WRN: variants seen among roughly 807,000 people sequenced by gnomAD.
WRN encodes bifunctional 3'-5' exonuclease/ATP-dependent helicase WRN.
In WRN, 149 loss-of-function variants were observed where a neutral mutation model predicts 180.7. The ratio of observed to expected loss-of-function variants is 0.82; its 90% CI spans 0.72 to 0.94. The LOEUF (loss-of-function observed/expected upper bound fraction) is 0.94, where lower values mean the gene tolerates loss of function less well. Among genes scored for constraint, WRN ranks in the 40% least tolerant of loss-of-function variants. The probability of loss-of-function intolerance (pLI) is 0.00; values close to 1 mark genes in which losing one functional copy is unlikely to be tolerated. For missense variants in WRN, 1,661 were observed against 1,700.1 expected (o/e 0.98, Z 0.40); for synonymous variants, 548 against 568.9 (o/e 0.96, Z 0.52).
At chr8:31,073,979 C>T (rs1017868769) in intron 7 of WRN, among the ~76,000 whole-genome samples, 7 of 151,520 alleles carry the variant, frequency 4.6e-5, no homozygotes, top group East Asian at 1.9e-4. Context: ...TGCAGTGGCG[C>T]GATCTCTGCT....
At chr8:31,133,325 A>G (rs1429223061) in intron 24 of WRN, among the ~76,000 whole-genome samples, 1 of 152,216 alleles carries the variant, frequency 6.6e-6, no homozygotes, top group Non-Finnish European at 1.5e-5. Flanking sequence ...AAATTCTCGT[A>G]TTGAATGTAG....
At chr8:31,059,604 C>T (rs1005992306) in intron 3 of WRN, among the ~76,000 whole-genome samples, 1 of 151,892 alleles carries the variant, frequency 6.6e-6, no homozygotes, top group African/African-American at 2.4e-5. Context: ...GTTTATTTTA[C>T]CAATTTAGGG....
chr8:31,147,855 A>C (rs936102949), intron 30 of WRN, among the ~76,000 whole-genome samples: 32 of 147,728 alleles, frequency 2.2e-4, no homozygotes, highest in African/African-American at 7.0e-4. Flanking sequence ...CCAATATAAA[A>C]CCCCTTCGTC....
intron 23 of WRN, among the ~76,000 whole-genome samples, chr8:31,128,316 A>T (rs956973313): frequency 1.3e-5 from 2 of 152,142 alleles, no homozygotes; most frequent in Non-Finnish European, 2.9e-5. Context: ...TATCAGATAC[A>T]TAGTATATGG....
intron 3 of WRN, among the ~76,000 whole-genome samples, chr8:31,063,069 A>G (rs1812554019): frequency 6.6e-6 from 1 of 152,152 alleles, no homozygotes. Flanking sequence ...CCTGGCTTCT[A>G]GTGATCCTCC....
chr8:31,134,498 T>C (rs1405217868), intron 24 of WRN, among the ~76,000 whole-genome samples: 1 of 152,228 alleles, frequency 6.6e-6, no homozygotes, highest in Admixed American at 6.5e-5. Context: ...AACAGTGAAG[T>C]TATTACTTAA....
At chr8:31,153,791 C>T (rs760010556) in intron 31 of WRN, among the ~76,000 whole-genome samples, 1 of 151,890 alleles carries the variant, frequency 6.6e-6, no homozygotes, top group Non-Finnish European at 1.5e-5. Flanking sequence ...AATATGGAAA[C>T]AAAAAATAAA....
At chr8:31,114,399 G>A (rs1801433341) in intron 19 of WRN, among the ~76,000 whole-genome samples, 1 of 152,130 alleles carries the variant, frequency 6.6e-6, no homozygotes, top group Non-Finnish European at 1.5e-5. Flanking sequence ...AGAAAATTAA[G>A]AGGAAATAAA....
intron 33 of WRN, among the ~76,000 whole-genome samples, chr8:31,157,918 A>G (rs1803454021): frequency 6.6e-6 from 1 of 152,034 alleles, no homozygotes; most frequent in Admixed American, 6.6e-5. Context: ...TGATAGAGAC[A>G]GGGTTTTCCA....
In WRN at chr8:31,141,601, G is replaced by A; in HGVS notation, c.3138+1G>A. ...GAAGATTTGCGCCCTTACGAAAAAG[G>A]TAAACGGTGTAGGAGTCTGCCTGTT... On this transcript the variant is annotated splice_donor_variant, in intron 25 of 34. Coordinates refer to ENST00000298139, the MANE Select transcript of WRN (RefSeq NM_000553.6). LOFTEE classifies it high-confidence loss of function. The A allele has an allele frequency of 6.2e-7, 1 of 1,614,096 alleles. No homozygotes were observed. Among genetic ancestry groups the A allele is most frequent in the Non-Finnish European group, 8.5e-7 (1 of 1,180,006 alleles).
chr8:31,052,843 TAGTTATAG>T (rs1326900846), intron 1 of WRN, among the ~76,000 whole-genome samples: 3 of 152,204 alleles, frequency 2.0e-5, no homozygotes, highest in African/African-American at 7.2e-5. Context: ...CTCAAGAAGC[TAGTTATAG>T]GGTTGCACAA....
At chr8:31,068,136 A>G in intron 6 of WRN, 122 bp from the exon 7 acceptor site, 1 of 701,702 alleles carries the variant, frequency 1.4e-6, no homozygotes, top group Middle Eastern at 2.5e-4. Flanking sequence ...GTCACATAAT[A>G]GGTTGAATTC....
At chr8:31,091,766 TA>T in intron 15 of WRN, 63 bp from the exon 16 acceptor site, 1 of 1,382,844 alleles carries the variant, frequency 7.2e-7, no homozygotes, top group Non-Finnish European at 1.0e-6. Context: ...CTTTCTCACT[TA>T]AGAGTGAAAT....
At chr8:31,125,076 G>A in intron 23 of WRN, 76 bp downstream of exon 23, 2 of 1,387,700 alleles carry the variant, frequency 1.4e-6, no homozygotes, top group Middle Eastern at 1.8e-4. Flanking sequence ...CTGAATTTTT[G>A]TTGAATGATA....
intron 1 of WRN, among the ~76,000 whole-genome samples, chr8:31,040,520 A>G (rs1276050185): frequency 6.6e-6 from 1 of 152,210 alleles, no homozygotes; most frequent in Non-Finnish European, 1.5e-5. Context: ...ATTGATATAG[A>G]TGGAGACTCA....
chr8:31,139,766 G>A (rs1383121793), intron 24 of WRN, among the ~76,000 whole-genome samples: 3 of 146,450 alleles, frequency 2.0e-5, no homozygotes, highest in African/African-American at 7.3e-5. Context: ...AGAAACAGCA[G>A]AGGAGTAGCC....
chr8:31,070,143 T>C (rs945919234), intron 7 of WRN, among the ~76,000 whole-genome samples: 1 of 151,692 alleles, frequency 6.6e-6, no homozygotes, highest in African/African-American at 2.4e-5. Flanking sequence ...ATTGTGGTTT[T>C]GGTAATTTTT....
chr8:31,087,908 G>T lies in WRN; in HGVS notation c.1564G>T (p.Asp522Tyr), dbSNP rs1563343127. The change falls in exon 12 of 35, where the codon GAT becomes TAT. Residue 522 changes from aspartate to tyrosine, a missense_variant. Around this residue, in one of 3 missense-constraint regions of WRN, gnomAD observed 1,141 missense variants for 1,149.4 expected, o/e 0.99. Transcript: ENST00000298139. Reference sequence around the variant, plus strand: ...AAATGAAGCTAATGAAGGGGAAGAAGATGATGATAAGGGTAAGCACTGAAG... The same window carrying T: ...AAATGAAGCTAATGAAGGGGAAGAATATGATGATAAGGGTAAGCACTGAAG... ...DENEANEGEE[D>Y]DDKDFLWPAP... 6.2e-7 allele frequency: 1 copy of T among 1,613,288 alleles called. No individual in the cohort carries two copies. Among genetic ancestry groups the T allele is most frequent in the Non-Finnish European group, 8.5e-7 (1 of 1,179,610 alleles).
At chr8:31,110,972 CTCTG>C (rs1801290586) in intron 18 of WRN, among the ~76,000 whole-genome samples, 1 of 152,164 alleles carries the variant, frequency 6.6e-6, no homozygotes, top group Non-Finnish European at 1.5e-5. Context: ...GAGTCTCCTG[CTCTG>C]TCTGCCAATC....
Sources: allele counts gnomAD v4.1 joint callset (sites outside exome capture counted in the v4.1 genomes callset), GRCh38; gene constraint gnomAD v4.1.1; regional missense constraint gnomAD v4.1.1; transcripts MANE v1.5; gene names NCBI Gene and HGNC (gene_info 2026-07-23, HGNC 2026-07-21).